Variants in CACNA2D3 observed in about 807,000 individuals in gnomAD.
CACNA2D3 encodes calcium voltage-gated channel auxiliary subunit alpha2delta 3, also known as voltage-dependent calcium channel subunit alpha-2/delta-3.
A neutral mutation model predicts 160.6 loss-of-function variants in CACNA2D3; 60 were observed. That is an observed-to-expected ratio of 0.37 (90% CI 0.30 to 0.46). CACNA2D3 has a LOEUF of 0.46. CACNA2D3 is among the 20% of genes least tolerant of loss of function. The pLI is 1.00. For synonymous variants in CACNA2D3, 558 were observed against 492.9 expected (o/e 1.13, Z -1.75); for missense variants, 1,205 against 1,365.0 (o/e 0.88, Z 1.85).
intron 2 of CACNA2D3, among the ~76,000 whole-genome samples, chr3:54,234,526 A>G (rs374451603): frequency 1.2e-4 from 18 of 152,220 alleles, no homozygotes; most frequent in African/African-American, 4.3e-4. Flanking sequence ...CCAGAGGAAT[A>G]TAAATTATTC....
chr3:54,680,310 C>T (rs1252970149), intron 11 of CACNA2D3, among the ~76,000 whole-genome samples: 1 of 152,156 alleles, frequency 6.6e-6, no homozygotes, highest in Non-Finnish European at 1.5e-5. Context: ...CCTTTTTATT[C>T]TAAGGTTTTG....
At chr3:54,590,314 A>G (rs1026331674) in intron 9 of CACNA2D3, among the ~76,000 whole-genome samples, 5 of 152,240 alleles carry the variant, frequency 3.3e-5, no homozygotes, top group African/African-American at 1.2e-4. Flanking sequence ...TGAAAAATAA[A>G]AAAGCCAATA....
At chr3:55,023,727 G>T (rs1387048180) in intron 35 of CACNA2D3, among the ~76,000 whole-genome samples, 1 of 151,964 alleles carries the variant, frequency 6.6e-6, no homozygotes, top group Non-Finnish European at 1.5e-5. Context: ...AGTAACGACT[G>T]CCTGGGAATA....
chr3:54,800,266 A>G (rs1469243412), intron 13 of CACNA2D3, among the ~76,000 whole-genome samples: 2 of 152,186 alleles, frequency 1.3e-5, no homozygotes, highest in Non-Finnish European at 2.9e-5. Flanking sequence ...CTGGACTGCC[A>G]TGGGGACCAA....
intron 13 of CACNA2D3, among the ~76,000 whole-genome samples, chr3:54,798,271 A>G (rs1250153801): frequency 1.3e-5 from 2 of 152,126 alleles, no homozygotes; most frequent in Non-Finnish European, 2.9e-5. Flanking sequence ...ATGGTGGCCC[A>G]CACCTGTAAT....
intron 35 of CACNA2D3, among the ~76,000 whole-genome samples, chr3:55,035,694 A>G (rs1212237442): frequency 6.6e-6 from 1 of 152,330 alleles, no homozygotes; most frequent in East Asian, 1.9e-4. Flanking sequence ...TCAAGCTCCG[A>G]AAATTGAATT....
At chr3:54,621,252 A>G (rs1178044164) in intron 9 of CACNA2D3, among the ~76,000 whole-genome samples, 4 of 152,258 alleles carry the variant, frequency 2.6e-5, no homozygotes, top group Non-Finnish European at 4.4e-5. Context: ...GATTGCTGTG[A>G]TCACAGAGAG....
intron 17 of CACNA2D3, among the ~76,000 whole-genome samples, chr3:54,863,051 A>C (rs1043363057): frequency 6.6e-6 from 1 of 152,204 alleles, no homozygotes; most frequent in Non-Finnish European, 1.5e-5. Flanking sequence ...TCACAGACAT[A>C]CTTTCAAATT....
At chr3:54,609,419 G>A (rs1236590947) in intron 9 of CACNA2D3, among the ~76,000 whole-genome samples, 2 of 152,180 alleles carry the variant, frequency 1.3e-5, no homozygotes, top group Admixed American at 6.5e-5. Flanking sequence ...GACTCTAAAC[G>A]TGTTTGAAAT....
At chr3:54,822,548 A>G (rs2106726287) in intron 14 of CACNA2D3, among the ~76,000 whole-genome samples, 1 of 152,276 alleles carries the variant, frequency 6.6e-6, no homozygotes, top group African/African-American at 2.4e-5. Flanking sequence ...GGCCCTATCC[A>G]ACTTTGCACT....
At chr3:54,739,937 A>G (rs955832343) in intron 11 of CACNA2D3, among the ~76,000 whole-genome samples, 2 of 152,100 alleles carry the variant, frequency 1.3e-5, no homozygotes, top group African/African-American at 4.8e-5. Context: ...CAACTTCCGC[A>G]AGGGCAGAGA....
intron 13 of CACNA2D3, among the ~76,000 whole-genome samples, chr3:54,779,923 T>C (rs1470883636): frequency 6.6e-6 from 1 of 152,200 alleles, no homozygotes; most frequent in Non-Finnish European, 1.5e-5. Flanking sequence ...CAGTCTGTGA[T>C]GTGTCTCTAT....
intron 11 of CACNA2D3, among the ~76,000 whole-genome samples, chr3:54,644,033 T>C (rs1019823509): frequency 2.0e-5 from 3 of 152,198 alleles, no homozygotes; most frequent in African/African-American, 7.2e-5. Flanking sequence ...TCACATGTTG[T>C]ATCACATGAA....
intron 35 of CACNA2D3, among the ~76,000 whole-genome samples, chr3:55,069,219 G>A (rs1233154270): frequency 2.0e-5 from 3 of 152,038 alleles, no homozygotes; most frequent in Non-Finnish European, 4.4e-5. Context: ...TTTTATGATT[G>A]TCCAGACTAT....
intron 9 of CACNA2D3, among the ~76,000 whole-genome samples, chr3:54,586,903 A>G (rs1319003199): frequency 6.6e-6 from 1 of 152,114 alleles, no homozygotes; most frequent in East Asian, 1.9e-4. Flanking sequence ...ATTAAACAGT[A>G]TACTATTAAA....
chr3:54,836,191 C>T (rs559188306), intron 14 of CACNA2D3, among the ~76,000 whole-genome samples: 8 of 150,450 alleles, frequency 5.3e-5, no homozygotes, highest in Non-Finnish European at 1.0e-4. Flanking sequence ...ACGTGAATCA[C>T]ATGCTGTATT....
At chr3:54,224,083 A>C (rs1309250072) in intron 2 of CACNA2D3, among the ~76,000 whole-genome samples, 1 of 152,034 alleles carries the variant, frequency 6.6e-6, no homozygotes, top group Non-Finnish European at 1.5e-5. Flanking sequence ...TTAAAAACTA[A>C]GACACAAGCA....
intron 9 of CACNA2D3, among the ~76,000 whole-genome samples, chr3:54,604,863 T>C (rs946406470): frequency 7.9e-5 from 12 of 152,170 alleles, no homozygotes; most frequent in Non-Finnish European, 2.9e-5. Flanking sequence ...CAACATCTCA[T>C]GAAGGCCGTA....
At chr3:54,875,944 G>A (rs1165343912) in intron 18 of CACNA2D3, among the ~76,000 whole-genome samples, 1 of 152,148 alleles carries the variant, frequency 6.6e-6, no homozygotes, top group African/African-American at 2.4e-5. Flanking sequence ...TATCTGATAT[G>A]GAAAAATCAA....
Sources: allele counts gnomAD v4.1 joint callset (sites outside exome capture counted in the v4.1 genomes callset), GRCh38; gene constraint gnomAD v4.1.1; transcripts MANE v1.5; gene names NCBI Gene and HGNC (gene_info 2026-07-23, HGNC 2026-07-21).